The following SDCCAG8 variants were observed in gnomAD, a reference collection of about 807,000 sequenced individuals.
The protein encoded by SDCCAG8 is serologically defined colon cancer antigen 8.
SDCCAG8 carries 74 observed loss-of-function variants against 101.8 expected under a neutral mutation model. The observed-to-expected ratio is 0.73, with a 90% confidence interval of 0.60 to 0.88. The LOEUF is 0.88. Among genes scored for constraint, SDCCAG8 ranks in the 40% least tolerant of loss-of-function variants. The probability of loss-of-function intolerance (pLI) is 0.00; values close to 1 mark genes in which losing one functional copy is unlikely to be tolerated. For missense variants in SDCCAG8, 787 were observed against 822.6 expected (o/e 0.96, Z 0.53); for synonymous variants, 281 against 292.9 (o/e 0.96, Z 0.41).
intron 9 of SDCCAG8, among the ~76,000 whole-genome samples, chr1:243,318,281 C>T (rs868389451): frequency 5.3e-5 from 8 of 152,226 alleles, no homozygotes; most frequent in East Asian, 3.9e-4. Context: ...CATATTCTTA[C>T]GTATAAGTGG....
chr1:243,274,839 A>C (rs2068402452), intron 4 of SDCCAG8, among the ~76,000 whole-genome samples, 183 bp downstream of exon 4: 1 of 152,206 alleles, frequency 6.6e-6, no homozygotes, highest in South Asian at 2.1e-4. Flanking sequence ...GATGCTCTTG[A>C]CCATACCATT....
At chr1:243,310,929 A>G (rs554460720) in intron 8 of SDCCAG8, among the ~76,000 whole-genome samples, 23 of 152,228 alleles carry the variant, frequency 1.5e-4, no homozygotes, top group Non-Finnish European at 3.2e-4. Context: ...ATAGAACAAG[A>G]TTGATAATTT....
chr1:243,400,905 C>T (rs2079350080), intron 13 of SDCCAG8, among the ~76,000 whole-genome samples: 2 of 152,148 alleles, frequency 1.3e-5, no homozygotes, highest in African/African-American at 4.8e-5. Flanking sequence ...TATTTTCCTT[C>T]AACCCATGAT....
chr1:243,372,483 T>C (rs1001836954), intron 12 of SDCCAG8, among the ~76,000 whole-genome samples: 1 of 152,152 alleles, frequency 6.6e-6, no homozygotes, highest in South Asian at 2.1e-4. Context: ...AGATGTTATA[T>C]AATTTTTCAA....
At chr1:243,302,091 T>A (rs2071569452) in intron 6 of SDCCAG8, among the ~76,000 whole-genome samples, 1 of 151,964 alleles carries the variant, frequency 6.6e-6, no homozygotes, top group African/African-American at 2.4e-5. Flanking sequence ...CTACTAAAAA[T>A]ACAAAAATTA....
At chr1:243,495,613 C>T (rs1160925543) in intron 17 of SDCCAG8, among the ~76,000 whole-genome samples, 1 of 152,180 alleles carries the variant, frequency 6.6e-6, no homozygotes, top group Non-Finnish European at 1.5e-5. Context: ...GAACTTCAGT[C>T]GCTGTGCTGG....
chr1:243,470,924 T>C (rs1413405542), intron 16 of SDCCAG8, among the ~76,000 whole-genome samples: 1 of 152,140 alleles, frequency 6.6e-6, no homozygotes, highest in Non-Finnish European at 1.5e-5. Context: ...TGTTCTCTAG[T>C]TAAAAATGAT....
chr1:243,330,403 A>G (rs2074501618), intron 9 of SDCCAG8, 137 bp from the exon 10 acceptor site: 1 of 800,308 alleles, frequency 1.2e-6, no homozygotes, highest in African/African-American at 1.7e-5. Context: ...TGGTATTGAT[A>G]AACAATAAAA....
At chr1:243,460,686 G>A (rs1178367186) in intron 16 of SDCCAG8, among the ~76,000 whole-genome samples, 2 of 152,226 alleles carry the variant, frequency 1.3e-5, no homozygotes, top group Non-Finnish European at 2.9e-5. Flanking sequence ...TGGAAATACT[G>A]GAGATGGGCA....
intron 13 of SDCCAG8, among the ~76,000 whole-genome samples, chr1:243,407,472 T>C (rs1241783955): frequency 1.3e-5 from 2 of 152,198 alleles, no homozygotes; most frequent in African/African-American, 4.8e-5. Context: ...GGTGATGCGC[T>C]AGTAACTGGA....
At chr1:243,303,120 C>A (rs2071705198) in intron 6 of SDCCAG8, among the ~76,000 whole-genome samples, 1 of 152,146 alleles carries the variant, frequency 6.6e-6, no homozygotes, top group Non-Finnish European at 1.5e-5. Context: ...AGACACCACA[C>A]AAAGGACTTA....
chr1:243,476,139 CA>C, intron 16 of SDCCAG8: 1 of 985,444 alleles, frequency 1.0e-6, no homozygotes, highest in Non-Finnish European at 1.2e-6. Flanking sequence ...CCTTTGGCTG[CA>C]GATTTTATTT....
chr1:243,422,711 G>T (rs534270331), intron 15 of SDCCAG8, among the ~76,000 whole-genome samples: 4 of 152,192 alleles, frequency 2.6e-5, no homozygotes, highest in African/African-American at 7.2e-5. Context: ...TCTGCTAATT[G>T]TTACCAAAAG....
intron 9 of SDCCAG8, among the ~76,000 whole-genome samples, chr1:243,327,626 G>C (rs1422157817): frequency 6.6e-6 from 1 of 151,822 alleles, no homozygotes; most frequent in East Asian, 1.9e-4. Context: ...TTACTGAATG[G>C]TTATAGGGGT....
At chr1:243,351,127 C>A (rs545926358) in intron 12 of SDCCAG8, among the ~76,000 whole-genome samples, 1 of 152,328 alleles carries the variant, frequency 6.6e-6, no homozygotes, top group Non-Finnish European at 1.5e-5. Flanking sequence ...CTACCACCTG[C>A]AGTCTCACTT....
At position 243,458,351 on chromosome 1, in the gene SDCCAG8, C is replaced by T. The variant is rs1234885967; in HGVS notation, c.1986-30663C>T. 6.6e-6 allele frequency among the ~76,000 whole-genome samples: 1 copy of T among 151,970 alleles called. No homozygotes were observed. The highest frequency in any genetic ancestry group is 2.4e-5 in the African/African-American group (1 of 41,380). On this transcript the variant is annotated intron_variant, in intron 16 of 17. Transcript: ENST00000366541. This position sits in a 1 kb window ranked among gnomAD's most constrained non-coding sequence, Gnocchi z 4.5. ...GCTTCTTGCTACCATGTAAAAATTTCCTGACACCTCTTGCAATAATAATTG... is the reference window on the plus strand; with the variant it reads ...GCTTCTTGCTACCATGTAAAAATTTTCTGACACCTCTTGCAATAATAATTG...
chr1:243,434,595 G>A (rs951654265), intron 16 of SDCCAG8, among the ~76,000 whole-genome samples: 1 of 152,140 alleles, frequency 6.6e-6, no homozygotes, highest in Non-Finnish European at 1.5e-5. Context: ...ACAGACAATC[G>A]AATACTAGAA....
At chr1:243,481,960 T>C (rs1663840145) in intron 16 of SDCCAG8, among the ~76,000 whole-genome samples, 1 of 152,220 alleles carries the variant, frequency 6.6e-6, no homozygotes, top group Non-Finnish European at 1.5e-5. Flanking sequence ...AAGAAATCCA[T>C]TGGTAGTGGC....
intron 7 of SDCCAG8, chr1:243,307,388 T>C (rs2072256183): frequency 2.0e-6 from 2 of 982,354 alleles, no homozygotes; most frequent in Non-Finnish European, 2.4e-6. Flanking sequence ...CTTCTGTAAC[T>C]TACTTTCTTT....
Sources: gnomAD v4.1 joint callset for allele counts (sites outside exome capture counted in the v4.1 genomes callset) on GRCh38, gnomAD v4.1.1 for gene constraint, Gnocchi (gnomAD v3.1) non-coding constraint, MANE v1.5 for transcripts, NCBI Gene and HGNC (gene_info 2026-07-23, HGNC 2026-07-21) for gene names.